The following CSMD2 variants were observed in gnomAD, a reference collection of about 807,000 sequenced individuals.
CSMD2 encodes CUB and sushi domain-containing protein 2.
CSMD2 carries 130 observed loss-of-function variants against 398.5 expected under a neutral mutation model. That is an observed-to-expected ratio of 0.33 (90% CI 0.28 to 0.38). The LOEUF (loss-of-function observed/expected upper bound fraction) is 0.38. Ranked by LOEUF, CSMD2 falls within the 10% of genes least tolerant of loss-of-function variation. The pLI, the probability that CSMD2 is intolerant of heterozygous loss-of-function variation, is 1.00. For missense variants in CSMD2, 3,829 were observed against 4,764.9 expected (o/e 0.80, Z 5.78); for synonymous variants, 1,828 against 1,908.5 (o/e 0.96, Z 1.10).
rs1640114262 is a variant in CSMD2, at chr1:33,867,337, G to A, written c.921-20341C>T. On this transcript the variant is annotated intron_variant, in intron 5 of 70. Coordinates refer to ENST00000373381, the MANE Select transcript of CSMD2 (RefSeq NM_001281956.2). Reference sequence around the variant, plus strand: ...CAACCACAAGGAACTTAATATTGCAGCAGCCACACAAGTGGGTAGGTGAAT... The same window carrying A: ...CAACCACAAGGAACTTAATATTGCAACAGCCACACAAGTGGGTAGGTGAAT... Among the ~76,000 whole-genome samples, 4 of 152,186 alleles carry A rather than the reference G, an allele frequency of 2.6e-5. No individual in the cohort carries two copies. The South Asian group carries it at 8.3e-4, about 31-fold the overall frequency.
chr1:34,036,057 A>G (rs1050113342), intron 2 of CSMD2, among the ~76,000 whole-genome samples: 4 of 152,206 alleles, frequency 2.6e-5, no homozygotes, highest in Non-Finnish European at 5.9e-5. Flanking sequence ...GATTCCTCAT[A>G]CAATGCTGGT....
intron 3 of CSMD2, among the ~76,000 whole-genome samples, chr1:33,944,755 C>T (rs959974221): frequency 6.6e-5 from 10 of 152,118 alleles, no homozygotes; most frequent in Admixed American, 1.3e-4. Flanking sequence ...AACTGAGGAA[C>T]AGCCGGGCTA....
Position 33,785,466 on chromosome 1 carries a change from G to A in CSMD2, c.1663+3134C>T, listed in dbSNP as rs145955530. Reference sequence around the variant, plus strand: ...CAGCTCTGCTACTTTCCACACTTGTGTGTGACCTCAGGCAGATTACTTCAC... The same window carrying A: ...CAGCTCTGCTACTTTCCACACTTGTATGTGACCTCAGGCAGATTACTTCAC... On this transcript the variant is annotated intron_variant, in intron 12 of 70. Coordinates refer to ENST00000373381, the MANE Select transcript of CSMD2 (RefSeq NM_001281956.2). Among the ~76,000 whole-genome samples the A allele has an allele frequency of 7.5e-4, 115 of 152,370 alleles. 1 individual carries two copies. The highest frequency in any genetic ancestry group is 2.5e-3 in the African/African-American group (104 of 41,588).
At chr1:33,911,754 G>T (rs934723882) in intron 5 of CSMD2, among the ~76,000 whole-genome samples, 2 of 152,210 alleles carry the variant, frequency 1.3e-5, no homozygotes, top group African/African-American at 4.8e-5. Context: ...CAGGATCTGG[G>T]AAGTCCAGAC....
chr1:33,679,305 G>A (rs1370961803), intron 25 of CSMD2, among the ~76,000 whole-genome samples: 3 of 148,168 alleles, frequency 2.0e-5, no homozygotes, highest in Admixed American at 6.8e-5. Flanking sequence ...GGGTTCAAGC[G>A]ATTCTCCTGC....
chr1:33,603,426 TGACATGG>T (rs1423153523), intron 42 of CSMD2, among the ~76,000 whole-genome samples: 2 of 152,138 alleles, frequency 1.3e-5, no homozygotes, highest in African/African-American at 4.8e-5. Flanking sequence ...GTGTTGTAGC[TGACATGG>T]GGCATCAAGC....
intron 51 of CSMD2, 26 bp downstream of exon 51, chr1:33,571,506 T>A: frequency 7.1e-7 from 1 of 1,404,098 alleles, no homozygotes; most frequent in Non-Finnish European, 9.4e-7. Context: ...CTGCTAAACT[T>A]GCCCACCCTC....
chr1:33,928,513 A>G (rs1644203155), intron 4 of CSMD2, among the ~76,000 whole-genome samples: 2 of 152,194 alleles, frequency 1.3e-5, no homozygotes, highest in Non-Finnish European at 2.9e-5. Context: ...TGAGTTAAGT[A>G]CCATTATTAT....
At chr1:33,648,729 A>G (rs1343929034) in intron 28 of CSMD2, among the ~76,000 whole-genome samples, 2 of 152,216 alleles carry the variant, frequency 1.3e-5, no homozygotes, top group African/African-American at 4.8e-5. Context: ...CTGCCCGACA[A>G]CAATGCTCCT....
chr1:33,640,780 T>C (rs1643060472), intron 29 of CSMD2, among the ~76,000 whole-genome samples: 1 of 152,190 alleles, frequency 6.6e-6, no homozygotes, highest in African/African-American at 2.4e-5. Context: ...CCAACAAACA[T>C]GCATTCCTTT....
At chr1:33,683,289 T>A (rs1218998137) in intron 25 of CSMD2, among the ~76,000 whole-genome samples, 4 of 152,270 alleles carry the variant, frequency 2.6e-5, no homozygotes, top group African/African-American at 9.6e-5. Flanking sequence ...GATTATTATG[T>A]CTATATCCAT....
intron 5 of CSMD2, among the ~76,000 whole-genome samples, chr1:33,883,033 T>A (rs1295728029): frequency 6.6e-6 from 1 of 152,210 alleles, no homozygotes; most frequent in Non-Finnish European, 1.5e-5. Context: ...CTGGTGTTTG[T>A]CCAGCCCCTC....
intron 12 of CSMD2, among the ~76,000 whole-genome samples, chr1:33,788,150 G>A (rs1362280424): frequency 6.6e-6 from 1 of 152,086 alleles, no homozygotes; most frequent in African/African-American, 2.4e-5. Flanking sequence ...GAACAAAGAG[G>A]TGGCTGGGGC....
chr1:33,783,566 C>T (rs1328552035), intron 12 of CSMD2, among the ~76,000 whole-genome samples: 2 of 151,718 alleles, frequency 1.3e-5, no homozygotes, highest in Non-Finnish European at 2.9e-5. Context: ...CATCAGAAAC[C>T]AAATTGGCCA....
rs867344684 is a variant in CSMD2, at chr1:33,739,311, C to T, written c.2197G>A (p.Asp733Asn). ...TTGCCATTTACTGGAACGCCAGGAT[C>T]CGGGCACTCGTTGTGTCGGAAGGCT... ...FTTFRHNECP[D>N]PGVPVNGKRF... Residue 733 changes from aspartate to asparagine, a missense_variant, in exon 15 of 71, where the codon GAT becomes AAT. Asp to Asn is a conservative substitution (Grantham distance 23). Coordinates refer to ENST00000373381, the MANE Select transcript of CSMD2 (RefSeq NM_001281956.2). 6.2e-7 allele frequency: 1 copy of T among 1,613,656 alleles called. No homozygotes were observed. Among genetic ancestry groups the T allele is most frequent in the Non-Finnish European group, 8.5e-7 (1 of 1,179,716 alleles).
chr1:33,724,216 G>C lies in CSMD2; in HGVS notation c.2982C>G (p.Ile994Met). 6.2e-7 allele frequency: 1 copy of C among 1,613,084 alleles called. No homozygotes were observed. The highest frequency in any genetic ancestry group is 1.1e-5 in the South Asian group (1 of 91,042). ...YPNNLNCTWIIETSHGKGVFF... is the reference protein window; with the variant it reads ...YPNNLNCTWIMETSHGKGVFF... ...ACTCACCCTTGCCATGAGATGTTTCGATAATCCAGGTGCAGTTCAAGTTGT... is the reference window on the plus strand; with the variant it reads ...ACTCACCCTTGCCATGAGATGTTTCCATAATCCAGGTGCAGTTCAAGTTGT... Residue 994 changes from isoleucine (I) to methionine (M), a missense_variant, in exon 19 of 71, where the codon ATC (isoleucine) becomes ATG (methionine). Ile to Met is a conservative substitution (Grantham distance 10). Around this residue, in one of 5 missense-constraint regions of CSMD2, gnomAD observed 2,001 missense variants for 2,567.1 expected, o/e 0.78. Transcript: ENST00000373381.
At chr1:34,162,671 C>G (rs1460134751) in intron 1 of CSMD2, among the ~76,000 whole-genome samples, 1 of 152,050 alleles carries the variant, frequency 6.6e-6, no homozygotes, top group African/African-American at 2.4e-5. Context: ...CCAGCCTGGC[C>G]AACATGGTGA....
intron 6 of CSMD2, among the ~76,000 whole-genome samples, chr1:33,828,526 G>C (rs1033182282): frequency 1.3e-5 from 2 of 152,192 alleles, no homozygotes; most frequent in African/African-American, 4.8e-5. Context: ...CTCTAGTGTT[G>C]CTAGAGGAAG....
chr1:33,540,634 C>T lies in CSMD2; in HGVS notation c.9522G>A (p.Trp3174Ter). 1 of 1,614,198 alleles carries T rather than the reference C, an allele frequency of 6.2e-7. No individual in the cohort carries two copies. The highest frequency in any genetic ancestry group is 8.5e-7 in the Non-Finnish European group (1 of 1,180,042). ...GGCAGGCATAAGTCACACTTGAGCC[C>T]CACATGAAGTCAGACCCCACCACCT... The part of the protein sequence containing the change: ...NGKVVGSDFM[W>*]GSSVTYACLE... Residue 3174 changes from tryptophan (W) to a stop codon, truncating the protein, a stop_gained, in exon 60 of 71, where the codon TGG becomes TGA. Coordinates refer to ENST00000373381, the MANE Select transcript of CSMD2 (RefSeq NM_001281956.2). LOFTEE classifies it high-confidence loss of function.
Sources: allele counts gnomAD v4.1 joint callset (sites outside exome capture counted in the v4.1 genomes callset), GRCh38; gene constraint gnomAD v4.1.1; regional missense constraint gnomAD v4.1.1; transcripts MANE v1.5; gene names NCBI Gene and HGNC (gene_info 2026-07-23, HGNC 2026-07-21).